CFAP157: variants seen among roughly 807,000 people sequenced by gnomAD.
The protein encoded by CFAP157 is cilia and flagella associated protein 157, also known as cilia- and flagella-associated protein 157.
A neutral mutation model predicts 57.8 loss-of-function variants in CFAP157; 43 were observed. The observed-to-expected ratio is 0.74, with a 90% CI of 0.58 to 0.96. The LOEUF (loss-of-function observed/expected upper bound fraction) is 0.96. Ranked by LOEUF, CFAP157 falls within the 40% of genes least tolerant of loss-of-function variation. The pLI is 0.00. For synonymous variants in CFAP157, 267 were observed against 269.0 expected (o/e 0.99, Z 0.07); for missense variants, 606 against 655.3 (o/e 0.92, Z 0.82).
At chr9:127,710,022 C>A (rs1842727430) in intron 2 of CFAP157, among the ~76,000 whole-genome samples, 1 of 152,206 alleles carries the variant, frequency 6.6e-6, no homozygotes, top group African/African-American at 2.4e-5. Flanking sequence ...CTGTAAAACC[C>A]TGTGCTTTAG....
At position 127,714,152 on chromosome 9, in the gene CFAP157, A is replaced by G. The variant is rs757157562; in HGVS notation, c.*247A>G. ...TCGCTCACGGATGTGGTCCAAGATC[A>G]GGTCGGTGGCTCGATCCAGCAACAG... On this transcript the variant is annotated 3_prime_UTR_variant, in exon 9 of 9. Coordinates refer to ENST00000373295, the MANE Select transcript of CFAP157 (RefSeq NM_001012502.3). The G allele has an allele frequency of 1.9e-6, 3 of 1,613,720 alleles. No individual in the cohort carries two copies. The African/African-American group carries it at 4.0e-5, about 22-fold the overall frequency.
chr9:127,712,853 TCC>T lies in CFAP157; in HGVS notation c.1284_1285del (p.His429TrpfsTer24), dbSNP rs746744439. On this transcript the variant is annotated frameshift_variant, in exon 7 of 9. Coordinates refer to ENST00000373295, the MANE Select transcript of CFAP157 (RefSeq NM_001012502.3). LOFTEE classifies it high-confidence loss of function. ...TGCGTGTCCCCACCAGGAGTCACAG[TCC>T]CATGGCCCACCCAAGGAGAGGTAAG... Reference protein sequence around the residue: ...KAACPHQESQSHGPPKESRPS... With the variant: ...KAACPHQESQXHGPPKESRPS... 8.7e-6 allele frequency: 14 copies of T among 1,612,616 alleles called. No homozygotes were observed. Among genetic ancestry groups the T allele is most frequent in the Non-Finnish European group, 8.5e-6 (10 of 1,179,280 alleles).
chr9:127,714,961 C>A lies in CFAP157; in HGVS notation c.*1056C>A. On this transcript the variant is annotated 3_prime_UTR_variant, in exon 9 of 9. Coordinates refer to ENST00000373295, the MANE Select transcript of CFAP157 (RefSeq NM_001012502.3). ...CCTTGGCCCGCCCGCCCACCCCTGG[C>A]GCTCTCAACTCACCAGCCCGGGCCA... The A allele has an allele frequency of 5.3e-6, 7 of 1,310,814 alleles. No homozygotes were observed. The highest frequency in any genetic ancestry group is 1.5e-5 in the South Asian group (1 of 65,486). The allele number at this position is 1,310,814 out of a possible 1,614,324, so 81.2% of individuals were successfully genotyped here. A position where few individuals can be genotyped will look rare whatever the true frequency, so the allele number is the denominator to read the frequency against.
chr9:127,713,970 C>A lies in CFAP157; in HGVS notation c.*65C>A. 6.3e-7 allele frequency: 1 copy of A among 1,580,194 alleles called. No individual in the cohort carries two copies. The highest frequency in any genetic ancestry group is 8.7e-7 in the Non-Finnish European group (1 of 1,149,628). ...CAGTCACAGTCACCCCCACTTTAAT[C>A]CGCAGGCAGCCTGGAACAGTCTAGA... On this transcript the variant is annotated 3_prime_UTR_variant, in exon 9 of 9. Coordinates refer to ENST00000373295, the MANE Select transcript of CFAP157 (RefSeq NM_001012502.3).
chr9:127,715,878 T>C lies in CFAP157; in HGVS notation c.*1973T>C. 1 of 858,356 alleles carries C rather than the reference T, an allele frequency of 1.2e-6. No individual in the cohort carries two copies. The allele number at this position is 858,356 out of a possible 1,614,324, so 53.2% of individuals were successfully genotyped here. ...TGTGTGGGACGCTCGGAGCTCTTGC[T>C]TGACCTTCGGTTGGGAGGCCTTGTT... On this transcript the variant is annotated 3_prime_UTR_variant, in exon 9 of 9. Transcript: ENST00000373295. This position sits in a 1 kb window ranked among gnomAD's most constrained non-coding sequence, Gnocchi z 5.8.
chr9:127,713,401 AG>A, intron 8 of CFAP157, 195 bp downstream of exon 8: 1 of 396,834 alleles, frequency 2.5e-6, no homozygotes. Context: ...ATGCCCTGGG[AG>A]GGGGGTTGGC....
rs775540886 is a variant in CFAP157, at chr9:127,709,718, C to T, written c.433+25C>T. 3.7e-6 allele frequency: 6 copies of T among 1,604,060 alleles called. No homozygotes were observed. The highest frequency in any genetic ancestry group is 5.1e-6 in the Non-Finnish European group (6 of 1,174,176). On this transcript the variant is annotated intron_variant, in intron 2 of 8. Transcript: ENST00000373295. This position sits in a 1 kb window ranked among gnomAD's most constrained non-coding sequence, Gnocchi z 4.7. ...GGTGAGGAGGGGACTGGCTGGTGAG[C>T]CTGCAGGCACACATCCCAGCTCTAT...
intron 6 of CFAP157, 178 bp from the exon 7 acceptor site, chr9:127,712,531 G>A: frequency 6.7e-7 from 1 of 1,501,622 alleles, no homozygotes; most frequent in Non-Finnish European, 8.9e-7. Context: ...TAAAGGAGCT[G>A]GATTCCTTCT....
chr9:127,713,759 G>C, intron 8 of CFAP157, 75 bp from the exon 9 acceptor site: 1 of 1,249,284 alleles, frequency 8.0e-7, no homozygotes, highest in Non-Finnish European at 1.2e-6. Flanking sequence ...CCCCAGCCTC[G>C]GCCTCCCAAA....
chr9:127,715,373 G>A lies in CFAP157; in HGVS notation c.*1468G>A. 8.0e-7 allele frequency: 1 copy of A among 1,247,758 alleles called. No individual in the cohort carries two copies. Among genetic ancestry groups the A allele is most frequent in the Non-Finnish European group, 1.1e-6 (1 of 881,626 alleles). 77.3% of individuals were successfully genotyped at this position (1,247,758 alleles called of 1,614,324 possible). ...AGAACTCCAGAAGGCTGGGCAGGCAGGGCGCCCTAGTGCAGGAACGGAGCT... is the reference window on the plus strand; with the variant it reads ...AGAACTCCAGAAGGCTGGGCAGGCAAGGCGCCCTAGTGCAGGAACGGAGCT... On this transcript the variant is annotated 3_prime_UTR_variant, in exon 9 of 9. Transcript: ENST00000373295. The surrounding 1 kb of genome is among the most constrained non-coding windows in gnomAD (Gnocchi z 5.8).
Position 127,715,919 on chromosome 9 carries a change from G to A in CFAP157, c.*2014G>A, listed in dbSNP as rs1842971544. On this transcript the variant is annotated 3_prime_UTR_variant, in exon 9 of 9. Transcript: ENST00000373295. This position sits in a 1 kb window ranked among gnomAD's most constrained non-coding sequence, Gnocchi z 5.8. ...AGGCCTTGTTATGCCCCCCGCTATG[G>A]CCCTGACTTGCGGCGAAAATCTGGC... 3.9e-6 allele frequency: 3 copies of A among 760,720 alleles called. No individual in the cohort carries two copies. Among genetic ancestry groups the A allele is most frequent in the East Asian group, 5.4e-5 (2 of 37,294 alleles). The allele number at this position is 760,720 out of a possible 1,614,324, so 47.1% of individuals were successfully genotyped here. A position where few individuals can be genotyped will look rare whatever the true frequency, so the allele number is the denominator to read the frequency against.
Position 127,707,090 on chromosome 9 carries a change from G to A in CFAP157, c.59G>A (p.Gly20Glu), listed in dbSNP as rs1842658715. The part of the protein sequence containing the change: ...AGKELEVKKK[G>E]GKKEPVVAVE... ...AAGGAGCTTGAAGTCAAGAAGAAAG[G>A]GGGCAAGAAGGAGCCGGTGGTGGCC... The change falls in exon 1 of 9, where the codon GGG becomes GAG. Residue 20 changes from glycine (G) to glutamate (E), a missense_variant. Gly to Glu is a moderately conservative substitution (Grantham distance 98). Transcript: ENST00000373295. 1.9e-6 allele frequency: 3 copies of A among 1,613,922 alleles called. No individual in the cohort carries two copies. The highest frequency in any genetic ancestry group is 1.7e-5 in the Admixed American group (1 of 60,016).
chr9:127,712,282 AGAAG>A lies in CFAP157; in HGVS notation c.1072_1075del (p.Lys358PhefsTer33). On this transcript the variant is annotated frameshift_variant, in exon 6 of 9. Coordinates refer to ENST00000373295, the MANE Select transcript of CFAP157 (RefSeq NM_001012502.3). LOFTEE classifies it high-confidence loss of function. ...CTACAGCAGGAACTGGCTAATGAGC[AGAAG>A]GTTCGGGCCAGCCTGGAGGCGGCTC... 1 of 1,614,082 alleles carries A rather than the reference AGAAG, an allele frequency of 6.2e-7. No homozygotes were observed. Among genetic ancestry groups the A allele is most frequent in the Admixed American group, 1.7e-5 (1 of 60,026 alleles).
In CFAP157 at chr9:127,715,361, G is replaced by A; in HGVS notation, c.*1456G>A. On this transcript the variant is annotated 3_prime_UTR_variant, in exon 9 of 9. Transcript: ENST00000373295. The surrounding 1 kb of genome is among the most constrained non-coding windows in gnomAD (Gnocchi z 5.8). ...ACCCGACCCCTGAGAACTCCAGAAGGCTGGGCAGGCAGGGCGCCCTAGTGC... is the reference window on the plus strand; with the variant it reads ...ACCCGACCCCTGAGAACTCCAGAAGACTGGGCAGGCAGGGCGCCCTAGTGC... The A allele has an allele frequency of 8.1e-7, 1 of 1,230,428 alleles. No individual in the cohort carries two copies. Among genetic ancestry groups the A allele is most frequent in the Non-Finnish European group, 1.2e-6 (1 of 866,454 alleles). The allele number at this position is 1,230,428 out of a possible 1,614,324, so 76.2% of individuals were successfully genotyped here. A position where few individuals can be genotyped will look rare whatever the true frequency, so the allele number is the denominator to read the frequency against.
At chr9:127,708,800 C>T (rs1454604955) in intron 1 of CFAP157, among the ~76,000 whole-genome samples, 1 of 152,200 alleles carries the variant, frequency 6.6e-6, no homozygotes, top group African/African-American at 2.4e-5. Context: ...GGCTCAGGGC[C>T]AAGAAGGGTC....
In CFAP157 at chr9:127,709,403, G is replaced by A. The variant is rs768095573; in HGVS notation, c.162-19G>A. On this transcript the variant is annotated intron_variant, in intron 1 of 8. Coordinates refer to ENST00000373295, the MANE Select transcript of CFAP157 (RefSeq NM_001012502.3). The surrounding 1 kb of genome is among the most constrained non-coding windows in gnomAD (Gnocchi z 4.7). ...TTGCCCAGCCTGACCCCTGGACCAC[G>A]GCTCTGCCCCTGCCCCAGGTACCAG... is the stretch of plus-strand genomic sequence containing the variant. 1.3e-5 allele frequency: 21 copies of A among 1,609,432 alleles called. 1 individual carries two copies. The highest frequency in any genetic ancestry group is 1.1e-4 in the East Asian group (5 of 44,782).
rs1842706553 is a variant in CFAP157, at chr9:127,709,078, A to T, written c.162-344A>T. 6.6e-6 allele frequency among the ~76,000 whole-genome samples: 1 copy of T among 152,158 alleles called. No homozygotes were observed. Among genetic ancestry groups the T allele is most frequent in the Non-Finnish European group, 1.5e-5 (1 of 68,030 alleles). On this transcript the variant is annotated intron_variant, in intron 1 of 8. Coordinates refer to ENST00000373295, the MANE Select transcript of CFAP157 (RefSeq NM_001012502.3). The surrounding 1 kb of genome is among the most constrained non-coding windows in gnomAD (Gnocchi z 4.7). ...CAAATAGGTATAAAATCATCATAGT[A>T]CCTACATTCTTATAGGTTGTTGTAA...
In CFAP157 at chr9:127,715,967, C is replaced by A; in HGVS notation, c.*2062C>A. On this transcript the variant is annotated 3_prime_UTR_variant, in exon 9 of 9. Coordinates refer to ENST00000373295, the MANE Select transcript of CFAP157 (RefSeq NM_001012502.3). This position sits in a 1 kb window ranked among gnomAD's most constrained non-coding sequence, Gnocchi z 5.8. ...GGCAAGTCCTTTCCCCGCTGTAGGC[C>A]TCAACCTCTCCAGCTAATAAAAGTT... 1 of 922,642 alleles carries A rather than the reference C, an allele frequency of 1.1e-6. No individual in the cohort carries two copies. The highest frequency in any genetic ancestry group is 1.7e-6 in the Non-Finnish European group (1 of 599,878). The allele number at this position is 922,642 out of a possible 1,614,324, so 57.2% of individuals were successfully genotyped here. A position where few individuals can be genotyped will look rare whatever the true frequency, so the allele number is the denominator to read the frequency against.
rs1170297171 is a variant in CFAP157, at chr9:127,714,587, C to T, written c.*682C>T. The T allele has an allele frequency of 6.2e-7, 1 of 1,611,416 alleles. No homozygotes were observed. The highest frequency in any genetic ancestry group is 1.1e-5 in the South Asian group (1 of 90,936). On this transcript the variant is annotated 3_prime_UTR_variant, in exon 9 of 9. Coordinates refer to ENST00000373295, the MANE Select transcript of CFAP157 (RefSeq NM_001012502.3). ...CCTGAAGCCCTATCCCAACCCTGAC[C>T]ATCTCAGGACCTCACCTGGCACTGC... is the stretch of plus-strand genomic sequence containing the variant.
Sources: gnomAD v4.1 joint callset for allele counts (sites outside exome capture counted in the v4.1 genomes callset) on GRCh38, gnomAD v4.1.1 for gene constraint, Gnocchi (gnomAD v3.1) non-coding constraint, MANE v1.5 for transcripts, NCBI Gene and HGNC (gene_info 2026-07-23, HGNC 2026-07-21) for gene names.